The following DNAH6 variants were observed in gnomAD, a reference collection of about 807,000 sequenced individuals.
The protein encoded by DNAH6 is axonemal beta dynein heavy chain 6.
Under a neutral mutation model 491.4 loss-of-function variants are expected in DNAH6, and 340 were observed. The observed-to-expected ratio is 0.69, with a 90% CI of 0.63 to 0.76. The LOEUF (loss-of-function observed/expected upper bound fraction) is 0.76, where lower values mean the gene tolerates loss of function less well. DNAH6 is among the 30% of genes least tolerant of loss of function. The pLI is 0.00. For missense variants in DNAH6, 4,443 were observed against 4,972.2 expected (o/e 0.89, Z 3.20); for synonymous variants, 1,603 against 1,686.1 (o/e 0.95, Z 1.21).
At chr2:84,791,590 A>AATTAGATT (rs1677752437) in intron 68 of DNAH6, among the ~76,000 whole-genome samples, 1 of 151,694 alleles carries the variant, frequency 6.6e-6, no homozygotes, top group South Asian at 2.1e-4. Context: ...AATGTTCTAA[A>AATTAGATT]ATTAGATTGC....
At chr2:84,817,047 C>T (rs542732654) in intron 76 of DNAH6, among the ~76,000 whole-genome samples, 21 of 152,144 alleles carry the variant, frequency 1.4e-4, no homozygotes, top group African/African-American at 4.8e-4. Flanking sequence ...CTGGTAATTT[C>T]CCAAAACTAA....
At chr2:84,677,883 G>A (rs149127187) in intron 41 of DNAH6, among the ~76,000 whole-genome samples, 21 of 152,266 alleles carry the variant, frequency 1.4e-4, no homozygotes, top group Non-Finnish European at 2.4e-4. Context: ...CTGGGTGAAC[G>A]CAACTGCAGA....
In DNAH6 at chr2:84,799,061, C is replaced by T. The variant is rs181761422; in HGVS notation, c.11481+1403C>T. ...AGAGTGCAGTGGCACAATCTCAGCTCACTGCAACCTCCACCTCCCAGGTTT... is the reference window on the plus strand; with the variant it reads ...AGAGTGCAGTGGCACAATCTCAGCTTACTGCAACCTCCACCTCCCAGGTTT... On this transcript the variant is annotated intron_variant, in intron 70 of 76. Coordinates refer to ENST00000389394, the MANE Select transcript of DNAH6 (RefSeq NM_001370.2). Among the ~76,000 whole-genome samples the T allele has an allele frequency of 3.0e-3, 448 of 150,728 alleles. 3 individuals carry two copies. Among genetic ancestry groups the T allele is most frequent in the African/African-American group, 0.011 (438 of 40,936 alleles).
At position 84,595,682 on chromosome 2, in the gene DNAH6, G is replaced by A. The variant is rs760701007; in HGVS notation, c.2761G>A (p.Gly921Ser). Residue 921 changes from glycine to serine, a missense_variant, in exon 18 of 77, where the codon GGT (glycine) becomes AGT (serine). Gly to Ser is a moderately conservative substitution (Grantham distance 56, BLOSUM62 0). Coordinates refer to ENST00000389394, the MANE Select transcript of DNAH6 (RefSeq NM_001370.2). ...FDCLDPEVLN[G>S]QVSKYAKFVT... ...TTGCCTGGATCCAGAAGTCCTAAAC[G>A]GTCAAGTTTCTAAATATGCTAAATT... 10 of 1,550,190 alleles carry A rather than the reference G, an allele frequency of 6.5e-6. No individual in the cohort carries two copies. Among genetic ancestry groups the A allele is most frequent in the South Asian group, 2.4e-5 (2 of 83,698 alleles).
intron 39 of DNAH6, among the ~76,000 whole-genome samples, chr2:84,671,766 G>A (rs1271495812): frequency 6.6e-6 from 1 of 152,092 alleles, no homozygotes; most frequent in Non-Finnish European, 1.5e-5. Flanking sequence ...TGCCCATCGG[G>A]TTTCTCTTTC....
intron 18 of DNAH6, among the ~76,000 whole-genome samples, chr2:84,598,174 T>TCTTTCTTTCTTTCTTC (rs1684853215): frequency 1.3e-5 from 1 of 74,510 alleles, no homozygotes; most frequent in Non-Finnish European, 3.4e-5. Context: ...TTTCTTTCTT[T>TCTTTCTTTCTTTCTTC]CTTTCTCTCT....
In DNAH6 at chr2:84,677,156, T is replaced by TA. The variant is rs199919923; in HGVS notation, c.6744+21dup. The stretch of plus-strand genomic sequence containing the variant: ...TTTCAGGTGAGTGTCGATTTTAACT[T>TA]AGGCAACAGGAGGAAAAGAAAGCAT... On this transcript the variant is annotated intron_variant, in intron 41 of 76. Transcript: ENST00000389394. 1.0e-3 allele frequency: 1,565 copies of TA among 1,551,526 alleles called. 20 individuals carry two copies. In the African/African-American group the frequency reaches 0.019, roughly 19 times the overall value.
intron 34 of DNAH6, 37 bp from the exon 35 acceptor site, chr2:84,654,623 T>C (rs2104570994): frequency 6.5e-7 from 1 of 1,549,142 alleles, no homozygotes; most frequent in South Asian, 1.2e-5. Context: ...GGAAGTATCA[T>C]ATTAGCTGTT....
chr2:84,607,289 A>G (rs965091623), intron 21 of DNAH6, among the ~76,000 whole-genome samples, 194 bp downstream of exon 21: 6 of 152,188 alleles, frequency 3.9e-5, no homozygotes, highest in African/African-American at 1.4e-4. Flanking sequence ...ATACAGCTTA[A>G]TGCTATTACC....
At chr2:84,549,076 T>C (rs1159657994) in intron 8 of DNAH6, among the ~76,000 whole-genome samples, 8 of 152,230 alleles carry the variant, frequency 5.3e-5, no homozygotes, top group Non-Finnish European at 1.2e-4. Context: ...CAGGGGACTC[T>C]CATTAGCACT....
intron 16 of DNAH6, 148 bp from the exon 17 acceptor site, chr2:84,593,824 A>G: frequency 2.6e-6 from 1 of 377,796 alleles, no homozygotes; most frequent in East Asian, 4.0e-5. Flanking sequence ...TTTTTTCTTC[A>G]TCTGTTTCTA....
intron 46 of DNAH6, among the ~76,000 whole-genome samples, chr2:84,695,212 A>C (rs1251432520): frequency 6.6e-6 from 1 of 152,162 alleles, no homozygotes; most frequent in African/African-American, 2.4e-5. Context: ...AATGTGATAG[A>C]ATGTGAATAC....
chr2:84,560,117 A>C (rs1680491410), intron 11 of DNAH6, among the ~76,000 whole-genome samples: 1 of 152,204 alleles, frequency 6.6e-6, no homozygotes, highest in African/African-American at 2.4e-5. Context: ...AGGATAGAGC[A>C]AACATTTATA....
At chr2:84,705,444 A>G (rs774901174) in intron 51 of DNAH6, 42 bp from the exon 52 acceptor site, 12 of 1,463,412 alleles carry the variant, frequency 8.2e-6, no homozygotes, top group Non-Finnish European at 1.0e-5. Context: ...TTCTTATATT[A>G]CTTCATTTCA....
At chr2:84,788,706 A>G (rs1415318093) in intron 68 of DNAH6, among the ~76,000 whole-genome samples, 1 of 152,096 alleles carries the variant, frequency 6.6e-6, no homozygotes, top group Non-Finnish European at 1.5e-5. Context: ...AGGTCGATTT[A>G]TTTTTATGTG....
rs1374639798 is a variant in DNAH6, at chr2:84,701,143, A to G, written c.7865A>G (p.Gln2622Arg). 2.6e-6 allele frequency: 4 copies of G among 1,551,720 alleles called. No individual in the cohort carries two copies. Among genetic ancestry groups the G allele is most frequent in the Non-Finnish European group, 3.5e-6 (4 of 1,146,906 alleles). Residue 2622 changes from glutamine (Q) to arginine (R), a missense_variant, in exon 49 of 77, where the codon CAA becomes CGA. Transcript: ENST00000389394. ...TCTGTGTCAAAGACATTTTTCTCAC[A>G]AGTCGATGCTGGAAATGAAGAACTG... ...LLSVSKTFFS[Q>R]VDAGNEELKE...
At position 84,557,807 on chromosome 2, in the gene DNAH6, T is replaced by C. The variant is rs1280308208; in HGVS notation, c.1675T>C (p.Tyr559His). ...AGTTCCTAATCTCGTGCCTGATTCGTATTTTGATGCTTTCACCAGCCCTTA... is the reference window on the plus strand; with the variant it reads ...AGTTCCTAATCTCGTGCCTGATTCGCATTTTGATGCTTTCACCAGCCCTTA... ...LSVPNLVPDS[Y>H]FDAFTSPYIN... Residue 559 changes from tyrosine to histidine, a missense_variant, in exon 11 of 77, where the codon TAT (tyrosine) becomes CAT (histidine). By Grantham distance (83) the Tyr-to-His change is moderately conservative. Transcript: ENST00000389394. The C allele has an allele frequency of 1.9e-6, 3 of 1,613,102 alleles. No individual in the cohort carries two copies. The highest frequency in any genetic ancestry group is 2.5e-6 in the Non-Finnish European group (3 of 1,179,476).
intron 11 of DNAH6, among the ~76,000 whole-genome samples, chr2:84,568,823 T>C (rs1360958631): frequency 6.6e-6 from 1 of 152,188 alleles, no homozygotes; most frequent in Non-Finnish European, 1.5e-5. Flanking sequence ...ACTCATAAGA[T>C]AAATGCGAAT....
intron 29 of DNAH6, among the ~76,000 whole-genome samples, chr2:84,631,742 A>G (rs1688422976): frequency 6.6e-6 from 1 of 152,198 alleles, no homozygotes. Flanking sequence ...AGCCTTCAGA[A>G]TGAGCATGGC....
Sources: allele counts gnomAD v4.1 joint callset (sites outside exome capture counted in the v4.1 genomes callset), GRCh38; gene constraint gnomAD v4.1.1; transcripts MANE v1.5; gene names NCBI Gene and HGNC (gene_info 2026-07-23, HGNC 2026-07-21).